The following CDH10 variants were observed in gnomAD, a reference collection of about 807,000 sequenced individuals.
CDH10 encodes cadherin 10, also known as cadherin-10.
A neutral mutation model predicts 73.1 loss-of-function variants in CDH10; 30 were observed. That is an observed-to-expected ratio of 0.41 (90% confidence interval 0.31 to 0.56). The LOEUF (loss-of-function observed/expected upper bound fraction) is 0.56, where lower values mean the gene tolerates loss of function less well. Among genes scored for constraint, CDH10 ranks in the 20% least tolerant of loss-of-function variants. CDH10 has a pLI of 0.27. For synonymous variants in CDH10, 345 were observed against 348.2 expected (o/e 0.99, Z 0.10); for missense variants, 815 against 973.7 (o/e 0.84, Z 2.17).
rs188881738 is a variant in CDH10, at chr5:24,576,464, G to C, written c.231+16796C>G. Among the ~76,000 whole-genome samples, 91 of 151,914 alleles carry C rather than the reference G, an allele frequency of 6.0e-4. 1 individual carries two copies. The highest frequency in any genetic ancestry group is 2.1e-3 in the African/African-American group (86 of 41,406). On this transcript the variant is annotated intron_variant, in intron 2 of 11. Coordinates refer to ENST00000264463, the MANE Select transcript of CDH10 (RefSeq NM_006727.5). The stretch of plus-strand genomic sequence containing the variant: ...AATGTCTTCTTGAAATGTCTTATTC[G>C]ATCACTGGGCTAGAAAATACAAGAT...
intron 1 of CDH10, among the ~76,000 whole-genome samples, chr5:24,601,804 A>C (rs911113313): frequency 6.6e-6 from 1 of 152,136 alleles, no homozygotes; most frequent in African/African-American, 2.4e-5. Flanking sequence ...TTAGTTGATA[A>C]AAAGATATTT....
At chr5:24,555,023 T>C (rs886205435) in intron 2 of CDH10, among the ~76,000 whole-genome samples, 1 of 152,142 alleles carries the variant, frequency 6.6e-6, no homozygotes, top group African/African-American at 2.4e-5. Context: ...ACATTTTCTT[T>C]GATTATTTAT....
chr5:24,510,228 G>A (rs1340624646), intron 6 of CDH10, among the ~76,000 whole-genome samples: 1 of 152,146 alleles, frequency 6.6e-6, no homozygotes, highest in Non-Finnish European at 1.5e-5. Context: ...TCTATGCTGT[G>A]ATGTTTCCAT....
chr5:24,613,762 T>C (rs1194486459), intron 1 of CDH10, among the ~76,000 whole-genome samples: 1 of 152,112 alleles, frequency 6.6e-6, no homozygotes, highest in Non-Finnish European at 1.5e-5. Flanking sequence ...GGATAAAATA[T>C]TTTCCCTAGT....
chr5:24,578,630 A>G (rs1438292324), intron 2 of CDH10: 4 of 159,776 alleles, frequency 2.5e-5, no homozygotes, highest in Non-Finnish European at 4.2e-5. Flanking sequence ...ACTAAAACTA[A>G]GGCTAGAAAC....
At chr5:24,551,909 C>A (rs553363636) in intron 2 of CDH10, among the ~76,000 whole-genome samples, 85 of 152,158 alleles carry the variant, frequency 5.6e-4, no homozygotes, top group African/African-American at 1.9e-3. Flanking sequence ...TTAGAAAAAT[C>A]ATCTTAGGGT....
intron 5 of CDH10, among the ~76,000 whole-genome samples, chr5:24,524,499 T>G (rs1029256200): frequency 3.3e-5 from 5 of 152,236 alleles, no homozygotes; most frequent in Admixed American, 1.3e-4. Context: ...CTCCTTATTT[T>G]TTTATCTTAC....
intron 1 of CDH10, among the ~76,000 whole-genome samples, chr5:24,615,431 A>G (rs1416032564): frequency 1.3e-5 from 2 of 152,182 alleles, no homozygotes; most frequent in African/African-American, 2.4e-5. Flanking sequence ...ACTGTTAATC[A>G]TCTGTCACTG....
intron 2 of CDH10, among the ~76,000 whole-genome samples, chr5:24,570,531 C>A (rs1215670904): frequency 6.6e-6 from 1 of 151,998 alleles, no homozygotes; most frequent in Non-Finnish European, 1.5e-5. Flanking sequence ...CAACTGTTGA[C>A]GTTATCAAAT....
chr5:24,526,459 C>T (rs563765338), intron 5 of CDH10, among the ~76,000 whole-genome samples: 1 of 151,826 alleles, frequency 6.6e-6, no homozygotes, highest in Non-Finnish European at 1.5e-5. Context: ...ATCAGATTCA[C>T]ATGCTGTATT....
intron 1 of CDH10, among the ~76,000 whole-genome samples, chr5:24,635,973 C>T (rs914430282): frequency 2.0e-5 from 3 of 151,784 alleles, no homozygotes; most frequent in South Asian, 2.1e-4. Context: ...AAAATTATTA[C>T]ATAATACAAG....
intron 5 of CDH10, among the ~76,000 whole-genome samples, chr5:24,516,150 G>T (rs12517654): frequency 6.6e-6 from 1 of 151,862 alleles, no homozygotes; most frequent in African/African-American, 2.4e-5. Flanking sequence ...GGCCTGTCTG[G>T]TATGTTCTTG....
intron 2 of CDH10, among the ~76,000 whole-genome samples, chr5:24,588,853 A>G (rs994832083): frequency 6.6e-6 from 1 of 152,250 alleles, no homozygotes; most frequent in African/African-American, 2.4e-5. Context: ...GATCAATAAA[A>G]CAATAAAAAC....
chr5:24,550,014 A>T (rs1374655253), intron 2 of CDH10, among the ~76,000 whole-genome samples: 1 of 152,214 alleles, frequency 6.6e-6, no homozygotes, highest in Non-Finnish European at 1.5e-5. Context: ...TTAAACTGGT[A>T]TTTTCAGGCC....
intron 2 of CDH10, among the ~76,000 whole-genome samples, chr5:24,560,478 T>C (rs1272482706): frequency 4.3e-5 from 2 of 46,784 alleles, no homozygotes; most frequent in African/African-American, 1.5e-4. Flanking sequence ...TGATAGAAAC[T>C]ATTGTGTTTT....
At chr5:24,563,478 G>T (rs1234797446) in intron 2 of CDH10, among the ~76,000 whole-genome samples, 1 of 149,470 alleles carries the variant, frequency 6.7e-6, no homozygotes. Flanking sequence ...GTAAACAGCC[G>T]GGCGCGGTGG....
intron 1 of CDH10, among the ~76,000 whole-genome samples, chr5:24,608,849 A>G (rs1337608845): frequency 6.6e-6 from 1 of 152,186 alleles, no homozygotes; most frequent in Non-Finnish European, 1.5e-5. Flanking sequence ...AGCAATATAA[A>G]ATGAATAAGC....
intron 2 of CDH10, among the ~76,000 whole-genome samples, chr5:24,548,990 A>G (rs1744448121): frequency 6.6e-6 from 1 of 152,114 alleles, no homozygotes; most frequent in African/African-American, 2.4e-5. Context: ...GATAAAATGA[A>G]TCAAAAGAGC....
At chr5:24,598,558 A>T (rs1223178454) in intron 1 of CDH10, among the ~76,000 whole-genome samples, 1 of 151,566 alleles carries the variant, frequency 6.6e-6, no homozygotes, top group Admixed American at 6.6e-5. Context: ...AAAAAGGTGG[A>T]CCATTTTATG....
Sources: allele counts gnomAD v4.1 joint callset (sites outside exome capture counted in the v4.1 genomes callset), GRCh38; gene constraint gnomAD v4.1.1; transcripts MANE v1.5; gene names NCBI Gene and HGNC (gene_info 2026-07-23, HGNC 2026-07-21).